Variants in GIT1 observed in about 807,000 individuals in gnomAD.
GIT1 encodes the protein GIT ArfGAP 1.
In GIT1, 14 loss-of-function variants were observed where a neutral mutation model predicts 91.7. The ratio of observed to expected loss-of-function variants is 0.15; its 90% CI spans 0.10 to 0.24. The LOEUF (loss-of-function observed/expected upper bound fraction) is 0.24. Among genes scored for constraint, GIT1 ranks in the 10% least tolerant of loss-of-function variants. The probability of loss-of-function intolerance (pLI) is 1.00; values close to 1 mark genes in which losing one functional copy is unlikely to be tolerated. For missense variants in GIT1, 717 were observed against 1,024.9 expected (o/e 0.70, Z 4.10); for synonymous variants, 414 against 418.2 (o/e 0.99, Z 0.12).
chr17:29,580,834 G>A (rs1004189138), intron 7 of GIT1, among the ~76,000 whole-genome samples: 18 of 151,388 alleles, frequency 1.2e-4, no homozygotes, highest in African/African-American at 4.1e-4. Context: ...AGGCTGGAGT[G>A]CAATGGCGTG....
In GIT1 at chr17:29,583,093, G is replaced by A. The variant is rs2033459174; in HGVS notation, c.187-56C>T. ...GCCCACTGCGTGCTAAGCAATGGGG[G>A]AAACACTTCCTGAGCGCCTGCTGTG... On this transcript the variant is annotated intron_variant, in intron 2 of 19. Transcript: ENST00000225394. 11 of 1,176,164 alleles carry A rather than the reference G, an allele frequency of 9.4e-6. No individual in the cohort carries two copies. In the South Asian group the frequency reaches 1.2e-4, roughly 13 times the overall value. The allele number at this position is 1,176,164 out of a possible 1,614,324, so 72.9% of individuals were successfully genotyped here. A position where few individuals can be genotyped will look rare whatever the true frequency, so the allele number is the denominator to read the frequency against.
In GIT1 at chr17:29,577,701, G is replaced by A. The variant is rs749863713; in HGVS notation, c.925C>T (p.Arg309Cys). The A allele has an allele frequency of 3.1e-6, 5 of 1,612,208 alleles. No individual in the cohort carries two copies. Among genetic ancestry groups the A allele is most frequent in the South Asian group, 1.1e-5 (1 of 91,038 alleles). The part of the protein sequence containing the change: ...TQNHSTLVTE[R>C]SAVPFLPVNP... ...ACAGGCAGGAAGGGCACGGCACTGCGCTCTGTCACCAGAGTGCTGTGGTTT... is the reference window on the plus strand; with the variant it reads ...ACAGGCAGGAAGGGCACGGCACTGCACTCTGTCACCAGAGTGCTGTGGTTT... Residue 309 changes from arginine to cysteine, a missense_variant, in exon 10 of 20, where the codon CGC (arginine) becomes TGC (cysteine). By Grantham distance (180) the Arg-to-Cys change is radical. This residue lies in a region of GIT1 where 271 missense variants were observed against 451.6 expected (regional missense o/e 0.60). Transcript: ENST00000225394.
chr17:29,583,302 C>G (rs139939470), intron 2 of GIT1, among the ~76,000 whole-genome samples, 181 bp downstream of exon 2: 3 of 152,248 alleles, frequency 2.0e-5, no homozygotes, highest in Non-Finnish European at 4.4e-5. Context: ...GTGAGCTACT[C>G]TTCTGCATGA....
chr17:29,578,686 G>A (rs748986102), intron 8 of GIT1, 45 bp downstream of exon 8: 58 of 1,543,138 alleles, frequency 3.8e-5, no homozygotes, highest in Non-Finnish European at 4.8e-5. Flanking sequence ...GGGGATCAGA[G>A]AGGGGCCAGC....
rs1222749451 is a variant in GIT1, at chr17:29,575,956, C to T, written c.1666-58G>A. ...TGTGCCCCACTGCCCCCCTGCTCAC[C>T]AGCAGTGCAGCAGGGACCAGGTCAG... On this transcript the variant is annotated intron_variant, in intron 15 of 19. Coordinates refer to ENST00000225394, the MANE Select transcript of GIT1 (RefSeq NM_014030.4). This position sits in a 1 kb window ranked among gnomAD's most constrained non-coding sequence, Gnocchi z 5.5. The T allele has an allele frequency of 5.2e-6, 8 of 1,529,522 alleles. No homozygotes were observed. Among genetic ancestry groups the T allele is most frequent in the Middle Eastern group, 3.4e-4 (2 of 5,924 alleles). The allele number at this position is 1,529,522 out of a possible 1,614,324, so 94.7% of individuals were successfully genotyped here.
In GIT1 at chr17:29,576,527, G is replaced by C. The variant is rs1264777225; in HGVS notation, c.1375C>G (p.Arg459Gly). Residue 459 changes from arginine (R) to glycine (G), a missense_variant, in exon 13 of 20, where the codon CGA (arginine) becomes GGA (glycine). By Grantham distance (125) the Arg-to-Gly change is moderately radical. Around this residue, in one of 3 missense-constraint regions of GIT1, gnomAD observed 312 missense variants for 349.5 expected, o/e 0.89. Transcript: ENST00000225394. ...SLSDELRRLQREIHKLQAENL... is the reference protein window; with the variant it reads ...SLSDELRRLQGEIHKLQAENL... ...CACCGAGGCTGCACCCTCACCTCTC[G>C]CTGCAGCCTCCGGAGCTCGTCGCTC... 6.2e-7 allele frequency: 1 copy of C among 1,613,840 alleles called. No individual in the cohort carries two copies. The highest frequency in any genetic ancestry group is 1.1e-5 in the South Asian group (1 of 91,090).
At chr17:29,574,956 C>A (rs759743937) in intron 19 of GIT1, 42 bp from the exon 20 acceptor site, 2 of 1,518,332 alleles carry the variant, frequency 1.3e-6, no homozygotes, top group Non-Finnish European at 1.8e-6. Flanking sequence ...GACTTTAAGC[C>A]ACCAGCTGAG....
At chr17:29,578,636 G>GTCA (rs1242737614) in intron 8 of GIT1, 95 bp downstream of exon 8, 7 of 1,153,944 alleles carry the variant, frequency 6.1e-6, no homozygotes, top group Non-Finnish European at 9.2e-6. Flanking sequence ...CTTGGAAAAG[G>GTCA]TCATCGAGTC....
rs1333095124 is a variant in GIT1 at position 29,589,608 on chromosome 17, G to C, written c.-230C>G. 6.7e-6 allele frequency: 1 copy of C among 148,576 alleles called. No homozygotes were observed. The highest frequency in any genetic ancestry group is 1.5e-5 in the Non-Finnish European group (1 of 66,656). 9.2% of individuals were successfully genotyped at this position (148,576 alleles called of 1,614,324 possible). On this transcript the variant is annotated 5_prime_UTR_variant, in exon 1 of 20. Transcript: ENST00000225394. The surrounding 1 kb of genome is among the most constrained non-coding windows in gnomAD (Gnocchi z 5.2). ...CCCGCGCCGCCCCGCCGCCGCTCGC[G>C]GCTCCTCTCTCCGCCCCCTGCGCGG... is the stretch of plus-strand genomic sequence containing the variant.
At chr17:29,582,442 G>C (rs2033433307) in intron 4 of GIT1, among the ~76,000 whole-genome samples, 1 of 152,368 alleles carries the variant, frequency 6.6e-6, no homozygotes, top group African/African-American at 2.4e-5. Context: ...GAGTGGCTAA[G>C]CAACTACCCC....
At chr17:29,578,486 G>T in intron 8 of GIT1, 115 bp from the exon 9 acceptor site, 1 of 970,784 alleles carries the variant, frequency 1.0e-6, no homozygotes, top group Non-Finnish European at 1.7e-6. Context: ...GTGCTGCCCA[G>T]CCCCTACAGT....
In GIT1 at chr17:29,589,619, C is replaced by G. The variant is rs1022321863; in HGVS notation, c.-241G>C. 7 of 149,278 alleles carry G rather than the reference C, an allele frequency of 4.7e-5. No homozygotes were observed. Among genetic ancestry groups the G allele is most frequent in the African/African-American group, 1.5e-4 (6 of 41,134 alleles). The allele number at this position is 149,278 out of a possible 1,614,324, so 9.2% of individuals were successfully genotyped here. ...CCGCCGCCGCTCGCGGCTCCTCTCT[C>G]CGCCCCCTGCGCGGCTCCCGGCCGC... On this transcript the variant is annotated 5_prime_UTR_variant, in exon 1 of 20. Coordinates refer to ENST00000225394, the MANE Select transcript of GIT1 (RefSeq NM_014030.4). The surrounding 1 kb of genome is among the most constrained non-coding windows in gnomAD (Gnocchi z 5.2).
chr17:29,587,836 A>G (rs1259879021), intron 1 of GIT1, among the ~76,000 whole-genome samples: 1 of 152,252 alleles, frequency 6.6e-6, no homozygotes, highest in Non-Finnish European at 1.5e-5. Context: ...TCTCCTCCAC[A>G]TTCCATGCCA....
rs879203802 is a variant in GIT1, at chr17:29,576,508, G to A, written c.1380+14C>T. On this transcript the variant is annotated intron_variant, in intron 13 of 19. Transcript: ENST00000225394. Reference sequence around the variant, plus strand: ...GTCCTGGGGCTCCCCCTCCCACCGAGGCTGCACCCTCACCTCTCGCTGCAG... The same window carrying A: ...GTCCTGGGGCTCCCCCTCCCACCGAAGCTGCACCCTCACCTCTCGCTGCAG... 1.2e-6 allele frequency: 2 copies of A among 1,613,604 alleles called. No homozygotes were observed. Among genetic ancestry groups the A allele is most frequent in the African/African-American group, 2.7e-5 (2 of 74,966 alleles).
In GIT1 at chr17:29,575,293, A is replaced by G. The variant is rs754202696; in HGVS notation, c.2004T>C (p.His668=). ...ELLRAAQEFK[H]DSFVPCSEKI... is the part of the protein sequence containing the mutation. ...CCTCCCCCTCCACTCAGTACCTGTC[A>G]TGCTTGAACTCCTGGGCTGCCCGCA... Residue 668 remains histidine (H), a synonymous_variant, in exon 18 of 20, where the codon CAT becomes CAC. Coordinates refer to ENST00000225394, the MANE Select transcript of GIT1 (RefSeq NM_014030.4). The surrounding 1 kb of genome is among the most constrained non-coding windows in gnomAD (Gnocchi z 5.5). 2 of 1,611,088 alleles carry G rather than the reference A, an allele frequency of 1.2e-6. No individual in the cohort carries two copies. Among genetic ancestry groups the G allele is most frequent in the Admixed American group, 1.7e-5 (1 of 59,708 alleles).
In GIT1 at chr17:29,575,290, G is replaced by C. The variant is rs766906155; in HGVS notation, c.2007C>G (p.Asp669Glu). The change falls in exon 18 of 20, where the codon GAC becomes GAG. Residue 669 changes from aspartate (D) to glutamate (E), a missense_variant and splice_region_variant. By Grantham distance (45) the Asp-to-Glu change is conservative. Transcript: ENST00000225394. The surrounding 1 kb of genome is among the most constrained non-coding windows in gnomAD (Gnocchi z 5.5). ...TCACCTCCCCCTCCACTCAGTACCT[G>C]TCATGCTTGAACTCCTGGGCTGCCC... Reference protein sequence around the residue: ...LLRAAQEFKHDSFVPCSEKIH... With the variant: ...LLRAAQEFKHESFVPCSEKIH... 1.1e-5 allele frequency: 17 copies of C among 1,610,842 alleles called. No individual in the cohort carries two copies. The African/African-American group carries it at 2.3e-4, about 22-fold the overall frequency.
Position 29,576,811 on chromosome 17 carries a change from C to T in GIT1, c.1227+52G>A, listed in dbSNP as rs758686079. 1.6e-4 allele frequency: 253 copies of T among 1,575,152 alleles called. 1 individual carries two copies. Among genetic ancestry groups the T allele is most frequent in the Non-Finnish European group, 1.7e-4 (192 of 1,160,882 alleles). On this transcript the variant is annotated intron_variant, in intron 12 of 19. Coordinates refer to ENST00000225394, the MANE Select transcript of GIT1 (RefSeq NM_014030.4). ...ACAAGAGGACAGAGCTGGGCCTCAG[C>T]GAAGGCCTGGGTCAGGGCACAGGGG...
At chr17:29,588,377 G>A (rs1324277688) in intron 1 of GIT1, among the ~76,000 whole-genome samples, 1 of 152,224 alleles carries the variant, frequency 6.6e-6, no homozygotes, top group Non-Finnish European at 1.5e-5. Context: ...GAAGGGAGCA[G>A]CCTCTTGGAT....
chr17:29,573,655 G>A lies in GIT1; in HGVS notation c.*1047C>T, dbSNP rs1278611082. 1 of 152,548 alleles carries A rather than the reference G, an allele frequency of 6.6e-6. No individual in the cohort carries two copies. Among genetic ancestry groups the A allele is most frequent in the Non-Finnish European group, 1.5e-5 (1 of 68,124 alleles). The allele number at this position is 152,548 out of a possible 1,614,324, so 9.4% of individuals were successfully genotyped here. A position where few individuals can be genotyped will look rare whatever the true frequency, so the allele number is the denominator to read the frequency against. On this transcript the variant is annotated 3_prime_UTR_variant, in exon 20 of 20. Coordinates refer to ENST00000225394, the MANE Select transcript of GIT1 (RefSeq NM_014030.4). ...CAGCCAGGTTCCCAGGCCTCCAGAG[G>A]GTGGGACCACAGCAGGTGCAGGTAG...
Sources: gnomAD v4.1 joint callset for allele counts (sites outside exome capture counted in the v4.1 genomes callset) on GRCh38, gnomAD v4.1.1 for gene constraint, gnomAD v4.1.1 regional missense constraint, Gnocchi (gnomAD v3.1) non-coding constraint, MANE v1.5 for transcripts, NCBI Gene and HGNC (gene_info 2026-07-23, HGNC 2026-07-21) for gene names.